Variants in DAB1 observed in about 807,000 individuals in gnomAD.
The protein encoded by DAB1 is disabled homolog 1.
Under a neutral mutation model 64.6 loss-of-function variants are expected in DAB1, and 15 were observed. That is an observed-to-expected ratio of 0.23 (90% CI 0.16 to 0.36). DAB1 has a LOEUF of 0.36. DAB1 is among the 10% of genes least tolerant of loss of function. DAB1 has a pLI of 1.00. For missense variants in DAB1, 596 were observed against 706.7 expected (o/e 0.84, Z 1.78); for synonymous variants, 235 against 251.9 (o/e 0.93, Z 0.64).
chr1:58,421,113 G>A (rs1032354063), intron 3 of DAB1, among the ~76,000 whole-genome samples: 12 of 152,112 alleles, frequency 7.9e-5, no homozygotes, highest in African/African-American at 2.9e-4. Flanking sequence ...CAAAGACATT[G>A]ACTTATTTCT....
chr1:57,177,573 T>C (rs1662462279), intron 2 of DAB1, among the ~76,000 whole-genome samples: 1 of 152,164 alleles, frequency 6.6e-6, no homozygotes, highest in Admixed American at 6.6e-5. Context: ...TTTTCTCTTA[T>C]TTCACTCAAG....
intron 3 of DAB1, among the ~76,000 whole-genome samples, chr1:58,490,673 T>C (rs1404432983): frequency 1.3e-5 from 2 of 151,156 alleles, no homozygotes; most frequent in Non-Finnish European, 2.9e-5. Context: ...AAGGAAAAAA[T>C]GTTAAGGGCA....
At chr1:58,415,064 G>T (rs1644706215) in intron 3 of DAB1, among the ~76,000 whole-genome samples, 6 of 152,092 alleles carry the variant, frequency 3.9e-5, no homozygotes, top group Admixed American at 3.9e-4. Context: ...GGGGCCTTTG[G>T]GAGGTAATTA....
At chr1:57,772,316 T>C (rs1649597732) in intron 6 of DAB1, among the ~76,000 whole-genome samples, 1 of 152,154 alleles carries the variant, frequency 6.6e-6, no homozygotes. Context: ...TAAATTTCTG[T>C]TAATTATAAA....
intron 2 of DAB1, among the ~76,000 whole-genome samples, chr1:57,289,613 A>G (rs1007318942): frequency 3.9e-5 from 6 of 152,192 alleles, no homozygotes; most frequent in African/African-American, 1.4e-4. Context: ...AGAGCTGCAT[A>G]TGTATTACAG....
chr1:57,346,509 A>G (rs376912520), intron 1 of DAB1, among the ~76,000 whole-genome samples: 74 of 152,308 alleles, frequency 4.9e-4, no homozygotes, highest in African/African-American at 1.8e-3. Context: ...TTCTACTTAT[A>G]TTTTACTTTG....
At chr1:58,060,793 C>G (rs1038799915) in intron 5 of DAB1, among the ~76,000 whole-genome samples, 3 of 152,260 alleles carry the variant, frequency 2.0e-5, no homozygotes, top group Admixed American at 6.5e-5. Flanking sequence ...GCAACATTAG[C>G]CCGAGCAGTG....
At chr1:58,317,152 C>CT (rs1202442091) in intron 4 of DAB1, among the ~76,000 whole-genome samples, 1 of 152,252 alleles carries the variant, frequency 6.6e-6, no homozygotes, top group Non-Finnish European at 1.5e-5. Context: ...TCTCCCCATG[C>CT]TTAAGTTGAA....
intron 6 of DAB1, among the ~76,000 whole-genome samples, chr1:57,663,761 T>G (rs199770555): frequency 2.0e-5 from 3 of 152,212 alleles, no homozygotes; most frequent in Non-Finnish European, 4.4e-5. Flanking sequence ...TGACGGATCC[T>G]TATTAATATT....
chr1:57,036,359 T>G (rs1196647819), intron 9 of DAB1, among the ~76,000 whole-genome samples: 1 of 152,138 alleles, frequency 6.6e-6, no homozygotes, highest in East Asian at 1.9e-4. Flanking sequence ...TTTTTTTACC[T>G]TGTGTCTACC....
intron 3 of DAB1, among the ~76,000 whole-genome samples, chr1:58,367,797 T>G (rs1400470853): frequency 6.6e-6 from 1 of 152,196 alleles, no homozygotes; most frequent in Non-Finnish European, 1.5e-5. Context: ...TCATGTTACA[T>G]GACCATGGGC....
intron 5 of DAB1, among the ~76,000 whole-genome samples, chr1:58,084,073 C>G (rs1650159542): frequency 6.6e-6 from 1 of 152,080 alleles, no homozygotes; most frequent in Non-Finnish European, 1.5e-5. Context: ...AGGAGTGGCA[C>G]CTCCAAACTG....
At chr1:58,108,073 T>C (rs1651766880) in intron 5 of DAB1, among the ~76,000 whole-genome samples, 1 of 152,104 alleles carries the variant, frequency 6.6e-6, no homozygotes, top group South Asian at 2.1e-4. Flanking sequence ...AACTCATGAG[T>C]CTGGCTGCAC....
chr1:58,323,234 TATAATAATAATAATA>T (rs146067591), intron 4 of DAB1, among the ~76,000 whole-genome samples: 3 of 145,892 alleles, frequency 2.1e-5, no homozygotes, highest in African/African-American at 5.0e-5. Context: ...GAACTTAAAG[TATAATAATAATAATA>T]ATAATAATAA....
At chr1:57,934,314 T>C (rs924150974) in intron 5 of DAB1, among the ~76,000 whole-genome samples, 2 of 152,174 alleles carry the variant, frequency 1.3e-5, no homozygotes, top group African/African-American at 2.4e-5. Context: ...AAAAGTTATC[T>C]GAAAATAATT....
intron 1 of DAB1, among the ~76,000 whole-genome samples, chr1:57,834,525 T>C (rs557939291): frequency 3.9e-5 from 6 of 152,278 alleles, no homozygotes; most frequent in African/African-American, 1.4e-4. Context: ...GCAGTCATTG[T>C]TGCCTCATTA....
In DAB1 at chr1:58,348,810, C is replaced by T. The variant is rs150813376; in HGVS notation, n.258-5407G>A. ...GTAAATAAATGAAGTCTTTGGCATG[C>T]CACTCATGAAAGGTTTTTAGATCCT... On this transcript the variant is annotated intron_variant and non_coding_transcript_variant, in intron 3 of 20. Coordinates refer to the DAB1 transcript ENST00000485760. Among the ~76,000 whole-genome samples the T allele has an allele frequency of 6.6e-5, 10 of 152,276 alleles. No individual in the cohort carries two copies. In the East Asian group the frequency reaches 1.7e-3, roughly 26 times the overall value.
rs141683665 is a variant in DAB1 at position 57,033,171 on chromosome 1, TACAC to T, written c.724-7132_724-7129del. On this transcript the variant is annotated intron_variant, in intron 9 of 14. Coordinates refer to ENST00000371236, the MANE Select transcript of DAB1 (RefSeq NM_001365792.1). ...CTCCTCTCCAACATACACTTTTGTT[TACAC>T]ACACACACACACACACACGTGTACA... 3.1e-3 allele frequency among the ~76,000 whole-genome samples: 465 copies of T among 149,470 alleles called. 1 individual carries two copies. Among genetic ancestry groups the T allele is most frequent in the Non-Finnish European group, 3.6e-3 (240 of 67,348 alleles).
chr1:57,160,205 A>C (rs1660616550), intron 2 of DAB1, among the ~76,000 whole-genome samples: 1 of 152,230 alleles, frequency 6.6e-6, no homozygotes, highest in Non-Finnish European at 1.5e-5. Context: ...ATAATAGTTT[A>C]TTTCATGTTG....
Sources: allele counts gnomAD v4.1 joint callset (sites outside exome capture counted in the v4.1 genomes callset), GRCh38; gene constraint gnomAD v4.1.1; transcripts MANE v1.5; gene names NCBI Gene and HGNC (gene_info 2026-07-23, HGNC 2026-07-21).